IMPG2: variants seen among roughly 807,000 people sequenced by gnomAD.
The protein encoded by IMPG2 is IPM 200.
A neutral mutation model predicts 129.2 loss-of-function variants in IMPG2; 91 were observed. The observed-to-expected ratio is 0.70, with a 90% CI of 0.59 to 0.84. IMPG2 has a LOEUF of 0.84. Among genes scored for constraint, IMPG2 ranks in the 40% least tolerant of loss-of-function variants. The pLI is 0.00. For missense variants in IMPG2, 1,430 were observed against 1,461.7 expected (o/e 0.98, Z 0.35); for synonymous variants, 510 against 517.7 (o/e 0.99, Z 0.20).
rs914721150 is a variant in IMPG2, at chr3:101,290,839, T to C, written c.533+640A>G. On this transcript the variant is annotated intron_variant, in intron 4 of 18. Transcript: ENST00000193391. ...TGAGGCAAAATTCTGAACTATGACCTGGATTGCATGCTCTAGTGGTACCTT... is the reference window on the plus strand; with the variant it reads ...TGAGGCAAAATTCTGAACTATGACCCGGATTGCATGCTCTAGTGGTACCTT... Among the ~76,000 whole-genome samples the C allele has an allele frequency of 2.0e-5, 3 of 152,170 alleles. 1 individual carries two copies. The highest frequency in any genetic ancestry group is 1.5e-5 in the Non-Finnish European group (1 of 68,028).
intron 14 of IMPG2, among the ~76,000 whole-genome samples, chr3:101,242,438 T>C (rs943020652): frequency 6.6e-6 from 1 of 152,060 alleles, no homozygotes; most frequent in African/African-American, 2.4e-5. Flanking sequence ...CAAAGCCAGA[T>C]GTAGTGGGTA....
intron 9 of IMPG2, among the ~76,000 whole-genome samples, chr3:101,263,437 C>T (rs1038638227): frequency 2.6e-5 from 4 of 151,846 alleles, no homozygotes; most frequent in Non-Finnish European, 4.4e-5. Flanking sequence ...GAAAGTTAAA[C>T]AATATGCTCC....
At chr3:101,307,124 A>G (rs1170118511) in intron 2 of IMPG2, among the ~76,000 whole-genome samples, 1 of 152,262 alleles carries the variant, frequency 6.6e-6, no homozygotes, top group Non-Finnish European at 1.5e-5. Flanking sequence ...AAAATAGCCA[A>G]TGAGTATGTG....
chr3:101,232,928 G>A lies in IMPG2; in HGVS notation c.3086C>T (p.Pro1029Leu), dbSNP rs752558276. 5.0e-6 allele frequency: 8 copies of A among 1,613,906 alleles called. No individual in the cohort carries two copies. Among genetic ancestry groups the A allele is most frequent in the East Asian group, 4.5e-5 (2 of 44,832 alleles). Residue 1029 changes from proline (P) to leucine (L), a missense_variant, in exon 15 of 19, where the codon CCC (proline) becomes CTC (leucine). Coordinates refer to ENST00000193391, the MANE Select transcript of IMPG2 (RefSeq NM_016247.4). ...CNEFSECLVNPWSGEAKCRCF... is the reference protein window; with the variant it reads ...CNEFSECLVNLWSGEAKCRCF... The stretch of plus-strand genomic sequence containing the variant: ...TCTGCACTTTGCTTCTCCACTCCAG[G>A]GGTTGACCAGACACTCTGAAAATTC...
At chr3:101,284,337 TGAGTC>T (rs1441045098) in intron 4 of IMPG2, among the ~76,000 whole-genome samples, 2 of 152,296 alleles carry the variant, frequency 1.3e-5, no homozygotes, top group Admixed American at 6.5e-5. Context: ...TCAGATTGTT[TGAGTC>T]ATTTATCCAA....
At chr3:101,289,052 A>G (rs1475785185) in intron 4 of IMPG2, among the ~76,000 whole-genome samples, 1 of 152,194 alleles carries the variant, frequency 6.6e-6, no homozygotes, top group Non-Finnish European at 1.5e-5. Context: ...TTTCCTCAAG[A>G]ATGTTACCTA....
rs1706622785 is a variant in IMPG2 at position 101,257,453 on chromosome 3, T to C, written c.1153+76A>G. The C allele has an allele frequency of 1.3e-6, 2 of 1,554,996 alleles. 1 individual carries two copies. Among genetic ancestry groups the C allele is most frequent in the East Asian group, 4.5e-5 (2 of 44,576 alleles). Reference sequence around the variant, plus strand: ...AGAGAATGGTCAGAACCTTATATATTTCAGGAAATTAGTTTACACCAGAGC... The same window carrying C: ...AGAGAATGGTCAGAACCTTATATATCTCAGGAAATTAGTTTACACCAGAGC... On this transcript the variant is annotated intron_variant, in intron 10 of 18. Transcript: ENST00000193391.
chr3:101,291,619 T>G lies in IMPG2; in HGVS notation c.502-109A>C. 7 of 784,464 alleles carry G rather than the reference T, an allele frequency of 8.9e-6. No individual in the cohort carries two copies. The South Asian group carries it at 1.0e-4, about 11-fold the overall frequency. The allele number at this position is 784,464 out of a possible 1,614,324, so 48.6% of individuals were successfully genotyped here. A position where few individuals can be genotyped will look rare whatever the true frequency, so the allele number is the denominator to read the frequency against. ...CTGCCCTACCATGGTAGAATCTATG[T>G]TAGTACTCTCTATGGTTAGACAAGT... On this transcript the variant is annotated intron_variant, in intron 3 of 18. Coordinates refer to ENST00000193391, the MANE Select transcript of IMPG2 (RefSeq NM_016247.4).
In IMPG2 at chr3:101,232,900, G is replaced by A. The variant is rs759426569; in HGVS notation, c.3114C>T (p.Cys1038=). The A allele has an allele frequency of 1.2e-6, 2 of 1,613,904 alleles. No individual in the cohort carries two copies. The highest frequency in any genetic ancestry group is 1.1e-5 in the South Asian group (1 of 91,082). ...CTTCCACACTCAGGTATCCAGGGAA[G>A]CATCTGCACTTTGCTTCTCCACTCC... is the stretch of plus-strand genomic sequence containing the variant. ...NPWSGEAKCR[C]FPGYLSVEER... is the part of the protein sequence containing the mutation. Residue 1038 remains cysteine, a synonymous_variant, in exon 15 of 19, where the codon TGC becomes TGT. Transcript: ENST00000193391.
intron 9 of IMPG2, among the ~76,000 whole-genome samples, chr3:101,258,741 T>A (rs896303061): frequency 2.6e-5 from 4 of 152,184 alleles, no homozygotes; most frequent in African/African-American, 7.2e-5. Flanking sequence ...TAAATAAGCA[T>A]GAGTTGATGT....
rs755776346 is a variant in IMPG2 at position 101,245,814 on chromosome 3, A to G, written c.1531T>C (p.Leu511=). The change falls in exon 12 of 19, where the codon TTG becomes CTG. Residue 511 remains leucine, a synonymous_variant. Transcript: ENST00000193391. ...TAAAGTTTCTCACCATCTTCTACCAAGTGAGATCCAGAAGTCCTTTCCTCA... is the reference window on the plus strand; with the variant it reads ...TAAAGTTTCTCACCATCTTCTACCAGGTGAGATCCAGAAGTCCTTTCCTCA... The part of the protein sequence containing the change: ...ASEERTSGSH[L]VEDGLANVEE... 3.1e-6 allele frequency: 5 copies of G among 1,613,816 alleles called. No homozygotes were observed. Among genetic ancestry groups the G allele is most frequent in the Non-Finnish European group, 4.2e-6 (5 of 1,179,790 alleles).
chr3:101,251,446 T>C (rs182169177), intron 11 of IMPG2, among the ~76,000 whole-genome samples: 3 of 152,162 alleles, frequency 2.0e-5, no homozygotes, highest in African/African-American at 7.2e-5. Flanking sequence ...TTTTGAAAGG[T>C]TAACACATAC....
intron 3 of IMPG2, among the ~76,000 whole-genome samples, chr3:101,297,484 C>T (rs1205482141): frequency 4.0e-5 from 6 of 151,868 alleles, no homozygotes; most frequent in Admixed American, 2.0e-4. Flanking sequence ...TCTTTAATTG[C>T]GATGTTAGCA....
chr3:101,282,833 T>C (rs907076892), intron 4 of IMPG2, among the ~76,000 whole-genome samples: 3 of 152,230 alleles, frequency 2.0e-5, no homozygotes, highest in Admixed American at 6.5e-5. Flanking sequence ...GTTACAACTT[T>C]CTGTCCTTCT....
Position 101,231,018 on chromosome 3 carries a change from A to G in IMPG2, c.3361T>C (p.Tyr1121His). 1 of 1,614,108 alleles carries G rather than the reference A, an allele frequency of 6.2e-7. No homozygotes were observed. Among genetic ancestry groups the G allele is most frequent in the Non-Finnish European group, 8.5e-7 (1 of 1,179,928 alleles). Residue 1121 changes from tyrosine (Y) to histidine (H), a missense_variant, in exon 16 of 19, where the codon TAC (tyrosine) becomes CAC (histidine). Transcript: ENST00000193391. Reference protein sequence around the residue: ...GLLVIFSAIIYFFIRTLQAHH... With the variant: ...GLLVIFSAIIHFFIRTLQAHH... ...GCTTGGAGAGTCCTGATGAAGAAGT[A>G]GATGATAGCAGAAAAGATGACAAGA... is the stretch of plus-strand genomic sequence containing the variant.
In IMPG2 at chr3:101,273,765, A is replaced by C. The variant is rs185842631; in HGVS notation, c.667-23T>G. ...AATCTGAATTTTTAGAGAAAGAACA[A>C]TAAATGTCAAGGCTTATTCATTCAA... On this transcript the variant is annotated intron_variant, in intron 6 of 18. Transcript: ENST00000193391. 1.2e-3 allele frequency: 1,892 copies of C among 1,606,776 alleles called. 8 individuals are homozygous for C. The highest frequency in any genetic ancestry group is 8.3e-4 in the Middle Eastern group (5 of 6,046).
Position 101,269,570 on chromosome 3 carries a change from C to T in IMPG2, c.832G>A (p.Glu278Lys), listed in dbSNP as rs747262551. Reference protein sequence around the residue: ...HLEEEFISEVENAFTGLPGYK... With the variant: ...HLEEEFISEVKNAFTGLPGYK... ...CCTGGTAACCCAGTAAATGCATTTT[C>T]AACCTGTTAAAAGTACAAATAAAAA... The change falls in exon 8 of 19, where the codon GAA (glutamate) becomes AAA (lysine). Residue 278 changes from glutamate to lysine, a missense_variant. By Grantham distance (56) the Glu-to-Lys change is moderately conservative. Coordinates refer to ENST00000193391, the MANE Select transcript of IMPG2 (RefSeq NM_016247.4). 2 of 1,574,294 alleles carry T rather than the reference C, an allele frequency of 1.3e-6. No individual in the cohort carries two copies. Among genetic ancestry groups the T allele is most frequent in the South Asian group, 2.2e-5 (2 of 90,038 alleles).
intron 2 of IMPG2, among the ~76,000 whole-genome samples, chr3:101,313,530 C>T (rs1193110198): frequency 2.0e-5 from 3 of 152,032 alleles, no homozygotes; most frequent in African/African-American, 7.2e-5. Flanking sequence ...AAATAACCTG[C>T]CCTGGAAACT....
intron 4 of IMPG2, among the ~76,000 whole-genome samples, chr3:101,283,041 A>G (rs1217204573): frequency 6.6e-6 from 1 of 152,144 alleles, no homozygotes; most frequent in Non-Finnish European, 1.5e-5. Context: ...TGTTTTTGAG[A>G]TGGAGTCTCA....
Sources: allele counts gnomAD v4.1 joint callset (sites outside exome capture counted in the v4.1 genomes callset), GRCh38; gene constraint gnomAD v4.1.1; transcripts MANE v1.5; gene names NCBI Gene and HGNC (gene_info 2026-07-23, HGNC 2026-07-21).